The following SSH2 variants were observed in gnomAD, a reference collection of about 807,000 sequenced individuals.
The protein encoded by SSH2 is protein phosphatase Slingshot homolog 2.
In SSH2, 37 loss-of-function variants were observed where a neutral mutation model predicts 135.2. The ratio of observed to expected loss-of-function variants is 0.27; its 90% CI spans 0.21 to 0.36. The LOEUF (loss-of-function observed/expected upper bound fraction) is 0.36. Ranked by LOEUF, SSH2 falls within the 10% of genes least tolerant of loss-of-function variation. The pLI is 1.00. For missense variants in SSH2, 1,408 were observed against 1,765.3 expected (o/e 0.80, Z 3.63); for synonymous variants, 628 against 646.2 (o/e 0.97, Z 0.43).
At chr17:29,779,810 C>CAAAAAAAAA (rs56789691) in intron 3 of SSH2, among the ~76,000 whole-genome samples, 441 of 19,608 alleles carry the variant, frequency 0.022, 107 homozygotes, top group Non-Finnish European at 0.032. Context: ...GACTCTGTCT[C>CAAAAAAAAA]AAAAAAAAAA....
Position 29,648,220 on chromosome 17 carries a change from C to T in SSH2, c.1351G>A (p.Glu451Lys), listed in dbSNP as rs748727968. ...TTGGGCTTGGTTACCGTTCGTCTTT[C>T]TTTCACATAGTCATAGGCTCGGTCC... ...NLDRAYDYVK[E>K]RRTVTKPNPS... The change falls in exon 14 of 16, where the codon GAA becomes AAA. Residue 451 changes from glutamate (E) to lysine (K), a missense_variant. This residue lies in a region of SSH2 where 106 missense variants were observed against 265.2 expected (regional missense o/e 0.40). Transcript: ENST00000540801. The T allele has an allele frequency of 1.0e-4, 169 of 1,614,052 alleles. No individual in the cohort carries two copies. Among genetic ancestry groups the T allele is most frequent in the Non-Finnish European group, 1.4e-4 (167 of 1,180,050 alleles).
At chr17:29,674,427 TC>T (rs1186380898) in intron 8 of SSH2, among the ~76,000 whole-genome samples, 6 of 152,120 alleles carry the variant, frequency 3.9e-5, no homozygotes, top group Non-Finnish European at 8.8e-5. Flanking sequence ...AAACACATGC[TC>T]CAAAAGCATA....
intron 11 of SSH2, among the ~76,000 whole-genome samples, chr17:29,664,710 C>T (rs2037200950): frequency 6.6e-6 from 1 of 152,002 alleles, no homozygotes; most frequent in African/African-American, 2.4e-5. Context: ...TTATACCTGA[C>T]AATAATGAAA....
chr17:29,878,080 G>A (rs2066068572), intron 1 of SSH2, among the ~76,000 whole-genome samples: 1 of 151,802 alleles, frequency 6.6e-6, no homozygotes, highest in Admixed American at 6.6e-5. Flanking sequence ...GCAAGACCCT[G>A]TCTCGAAGAT....
chr17:29,798,250 C>T (rs1053592642), intron 2 of SSH2, among the ~76,000 whole-genome samples: 1 of 151,568 alleles, frequency 6.6e-6, no homozygotes, highest in Non-Finnish European at 1.5e-5. Context: ...TCTCGGCTCA[C>T]TGGGTTCAAG....
At chr17:29,730,909 T>C (rs1376936721) in intron 3 of SSH2, among the ~76,000 whole-genome samples, 1 of 152,202 alleles carries the variant, frequency 6.6e-6, no homozygotes, top group African/African-American at 2.4e-5. Flanking sequence ...AATACAGCTA[T>C]TTGAGAAGGG....
intron 3 of SSH2, among the ~76,000 whole-genome samples, chr17:29,718,726 T>C (rs3115100): frequency 0.59 from 68,154 of 116,012 alleles, 19,620 homozygotes; most frequent in East Asian, 0.72. Flanking sequence ...AAGCAAGATT[T>C]CACCTCAAAA....
chr17:29,870,584 G>C (rs1216402748), intron 1 of SSH2, among the ~76,000 whole-genome samples: 1 of 152,134 alleles, frequency 6.6e-6, no homozygotes, highest in Non-Finnish European at 1.5e-5. Context: ...CCTTTTAGCA[G>C]TAAGCAAGTC....
chr17:29,741,926 T>A (rs1165136118), intron 3 of SSH2, among the ~76,000 whole-genome samples: 1 of 138,696 alleles, frequency 7.2e-6, no homozygotes, highest in African/African-American at 2.8e-5. Context: ...GCAATCTCAT[T>A]TTTTTTTCTT....
At chr17:29,829,805 G>A (rs914121254) in intron 2 of SSH2, among the ~76,000 whole-genome samples, 1 of 151,278 alleles carries the variant, frequency 6.6e-6, no homozygotes, top group African/African-American at 2.4e-5. Context: ...ACTCTTCAGT[G>A]GCTTTTTGTT....
chr17:29,725,133 G>C (rs2039956199), intron 3 of SSH2, among the ~76,000 whole-genome samples: 1 of 151,222 alleles, frequency 6.6e-6, no homozygotes, highest in Non-Finnish European at 1.5e-5. Flanking sequence ...AGATCACGAG[G>C]TTAGGAGATC....
intron 2 of SSH2, among the ~76,000 whole-genome samples, chr17:29,800,322 G>A (rs761460258): frequency 9.2e-5 from 14 of 152,018 alleles, no homozygotes; most frequent in Non-Finnish European, 1.6e-4. Context: ...AGAATTCACC[G>A]CCAAAAAAGC....
chr17:29,761,841 A>ATGTG (rs1491453124), intron 3 of SSH2, among the ~76,000 whole-genome samples: 1 of 141,228 alleles, frequency 7.1e-6, no homozygotes, highest in African/African-American at 2.9e-5. Flanking sequence ...ACTCACATAC[A>ATGTG]TATGTGTGTG....
chr17:29,696,119 T>C (rs1318939759), intron 4 of SSH2, among the ~76,000 whole-genome samples: 1 of 150,764 alleles, frequency 6.6e-6, no homozygotes, highest in Non-Finnish European at 1.5e-5. Context: ...GGAGTCTCGC[T>C]GTCACCCACG....
At chr17:29,821,500 G>GA (rs34719776) in intron 2 of SSH2, among the ~76,000 whole-genome samples, 112 of 145,690 alleles carry the variant, frequency 7.7e-4, no homozygotes, top group African/African-American at 1.6e-3. Context: ...AATAAATTAT[G>GA]AAAAAAAAAA....
chr17:29,716,803 C>A (rs2039640069), intron 3 of SSH2: 3 of 408,612 alleles, frequency 7.3e-6, no homozygotes, highest in South Asian at 6.3e-5. Context: ...TTTTTCTACC[C>A]ACTGGCATCT....
chr17:29,895,737 C>T lies in SSH2; in HGVS notation c.63+34201G>A, dbSNP rs865993913. 3.9e-3 allele frequency among the ~76,000 whole-genome samples: 294 copies of T among 74,832 alleles called. 2 individuals are homozygous for T. The highest frequency in any genetic ancestry group is 7.6e-3 in the African/African-American group (165 of 21,736). The allele number at this position is 74,832 out of a possible 152,430, so 49.1% of individuals were successfully genotyped here. A position where few individuals can be genotyped will look rare whatever the true frequency, so the allele number is the denominator to read the frequency against. On this transcript the variant is annotated intron_variant, in intron 1 of 15. Coordinates refer to ENST00000540801, the MANE Select transcript of SSH2 (RefSeq NM_001282129.2). ...TAAAATATATTTTATATACACATTT[C>T]ATATATAAAATGTATTTTATATACA...
intron 3 of SSH2, among the ~76,000 whole-genome samples, chr17:29,788,205 A>G (rs1187309437): frequency 6.6e-6 from 1 of 152,188 alleles, no homozygotes; most frequent in Non-Finnish European, 1.5e-5. Context: ...TTCTCGGCTT[A>G]TCTGTGAGGG....
intron 11 of SSH2, among the ~76,000 whole-genome samples, chr17:29,663,705 C>T (rs2037148525): frequency 2.0e-5 from 3 of 152,120 alleles, no homozygotes; most frequent in South Asian, 4.1e-4. Context: ...AACAAGTACA[C>T]AGATGTGTAT....
Sources: allele counts gnomAD v4.1 joint callset (sites outside exome capture counted in the v4.1 genomes callset), GRCh38; gene constraint gnomAD v4.1.1; regional missense constraint gnomAD v4.1.1; transcripts MANE v1.5; gene names NCBI Gene and HGNC (gene_info 2026-07-23, HGNC 2026-07-21).